Variants in DPP6 observed in about 807,000 individuals in gnomAD.
DPP6 encodes the protein dipeptidyl peptidase like 6, also known as A-type potassium channel modulatory protein DPP6.
In DPP6, 69 loss-of-function variants were observed where a neutral mutation model predicts 122.6. The observed-to-expected ratio is 0.56, with a 90% CI of 0.46 to 0.69. The LOEUF (loss-of-function observed/expected upper bound fraction) is 0.69. DPP6 is among the 30% of genes least tolerant of loss of function. The pLI, the probability that DPP6 is intolerant of heterozygous loss-of-function variation, is 0.00. For synonymous variants in DPP6, 418 were observed against 433.1 expected, an observed-to-expected ratio of 0.97 and a Z score of 0.43; for missense variants, 928 against 1,116.9, an observed-to-expected ratio of 0.83 and a Z score of 2.41.
intron 3 of DPP6, among the ~76,000 whole-genome samples, chr7:154,521,144 G>A (rs890154424): frequency 1.3e-5 from 2 of 152,102 alleles, no homozygotes; most frequent in African/African-American, 2.4e-5. Context: ...GTGTATATGC[G>A]AAGTCCTTTT....
At chr7:154,024,101 G>A (rs1398450055) in intron 1 of DPP6, among the ~76,000 whole-genome samples, 5 of 152,166 alleles carry the variant, frequency 3.3e-5, no homozygotes, top group African/African-American at 1.2e-4. Context: ...TTCCTTCTCA[G>A]CTGTAAAATA....
chr7:154,794,939 G>A (rs1587162543), intron 11 of DPP6, among the ~76,000 whole-genome samples: 2 of 151,394 alleles, frequency 1.3e-5, no homozygotes, highest in African/African-American at 4.9e-5. Context: ...GCTGAGGGGG[G>A]CCAAGGCTTG....
chr7:154,652,428 A>G (rs976323863), intron 6 of DPP6, among the ~76,000 whole-genome samples: 1 of 148,568 alleles, frequency 6.7e-6, no homozygotes, highest in African/African-American at 2.5e-5. Context: ...TTTGTGATCA[A>G]TATACACACT....
intron 1 of DPP6, among the ~76,000 whole-genome samples, chr7:154,024,239 T>C (rs376481675): frequency 1.0e-3 from 154 of 152,280 alleles, no homozygotes; most frequent in African/African-American, 3.6e-3. Flanking sequence ...ATCCACAAAT[T>C]AGCAGCCTGA....
intron 1 of DPP6, among the ~76,000 whole-genome samples, chr7:154,234,183 A>G (rs1801068316): frequency 6.6e-6 from 1 of 152,358 alleles, no homozygotes; most frequent in Middle Eastern, 3.4e-3. Flanking sequence ...TAGAGGAAAC[A>G]GCAGGAAAAA....
At chr7:154,883,922 TCACA>T (rs541022319) in intron 21 of DPP6, 9 of 127,702 alleles carry the variant, frequency 7.0e-5, no homozygotes, top group Non-Finnish European at 1.5e-4. Flanking sequence ...TCACACACGC[TCACA>T]CATACACACG....
At chr7:154,675,183 G>A (rs1227914370) in intron 7 of DPP6, among the ~76,000 whole-genome samples, 1 of 152,060 alleles carries the variant, frequency 6.6e-6, no homozygotes, top group Non-Finnish European at 1.5e-5. Context: ...ACAGGGCAGG[G>A]AACGTCCACA....
intron 1 of DPP6, among the ~76,000 whole-genome samples, chr7:153,931,221 A>G (rs190208563): frequency 6.6e-6 from 1 of 152,358 alleles, no homozygotes; most frequent in East Asian, 1.9e-4. Context: ...CACTGTGGAT[A>G]AGAGTCAGGC....
At chr7:154,621,120 C>G (rs1343290602) in intron 5 of DPP6, among the ~76,000 whole-genome samples, 1 of 152,116 alleles carries the variant, frequency 6.6e-6, no homozygotes, top group Non-Finnish European at 1.5e-5. Flanking sequence ...CAACTCTGAA[C>G]CTGAATTTTA....
chr7:154,024,688 T>C (rs1395945533), intron 1 of DPP6, among the ~76,000 whole-genome samples: 1 of 152,208 alleles, frequency 6.6e-6, no homozygotes, highest in Non-Finnish European at 1.5e-5. Context: ...ATGTAATTCT[T>C]GTTTAGGGTT....
intron 1 of DPP6, among the ~76,000 whole-genome samples, chr7:153,980,586 T>C (rs547436743): frequency 1.3e-5 from 2 of 152,314 alleles, no homozygotes; most frequent in African/African-American, 4.8e-5. Flanking sequence ...TGTCTTCTGC[T>C]AGCTTTTGAA....
rs569666687 is a variant in DPP6 at position 154,166,691 on chromosome 7, A to G, written c.243+113628A>G. On this transcript the variant is annotated intron_variant, in intron 1 of 25. Coordinates refer to ENST00000377770, the MANE Select transcript of DPP6 (RefSeq NM_130797.4). ...TTTGGGAGGCTGAGGCAGGTGGATC[A>G]CCTGAGGTCAGGAGTTCAAGACCAG... 7.4e-4 allele frequency among the ~76,000 whole-genome samples: 106 copies of G among 142,828 alleles called. 6 individuals carry two copies. The highest frequency in any genetic ancestry group is 2.2e-3 in the Admixed American group (33 of 14,946). 93.7% of individuals were successfully genotyped at this position (142,828 alleles called of 152,430 possible).
intron 1 of DPP6, among the ~76,000 whole-genome samples, chr7:154,355,605 A>G (rs1205801416): frequency 6.6e-6 from 1 of 152,178 alleles, no homozygotes; most frequent in Non-Finnish European, 1.5e-5. Flanking sequence ...TTACAGCCCC[A>G]TACAGTGAAG....
chr7:154,866,028 T>C (rs1007837307), intron 17 of DPP6, among the ~76,000 whole-genome samples: 6 of 152,160 alleles, frequency 3.9e-5, no homozygotes, highest in East Asian at 1.9e-4. Context: ...TGGTGTTAAG[T>C]GTATCCAGAG....
At chr7:154,062,779 C>A (rs1484413446) in intron 1 of DPP6, among the ~76,000 whole-genome samples, 1 of 99,724 alleles carries the variant, frequency 1.0e-5, no homozygotes, top group Non-Finnish European at 2.0e-5. Context: ...ACCCCTGGTT[C>A]CCCCACTGGC....
chr7:154,370,386 AG>A, intron 1 of DPP6, among the ~76,000 whole-genome samples: 1 of 85,350 alleles, frequency 1.2e-5, no homozygotes, highest in Non-Finnish European at 2.4e-5. Flanking sequence ...TTTGGGGGGG[AG>A]GGGGGATGGG....
chr7:154,760,508 C>T lies in DPP6; in HGVS notation c.884-8909C>T, dbSNP rs1403085665. ...GTTGTTTCTATTCTTGTCTGCCATT[C>T]TGCGAGCTCAAGAACTTCTGTTAGC... On this transcript the variant is annotated intron_variant, in intron 8 of 25. Transcript: ENST00000377770. This position sits in a 1 kb window ranked among gnomAD's most constrained non-coding sequence, Gnocchi z 4.5. 6.6e-6 allele frequency among the ~76,000 whole-genome samples: 1 copy of T among 152,206 alleles called. No individual in the cohort carries two copies. Among genetic ancestry groups the T allele is most frequent in the East Asian group, 1.9e-4 (1 of 5,194 alleles).
intron 1 of DPP6, among the ~76,000 whole-genome samples, chr7:154,404,185 TAA>T (rs1815878753): frequency 6.6e-6 from 1 of 152,206 alleles, no homozygotes; most frequent in Non-Finnish European, 1.5e-5. Context: ...AGCCGCTGTC[TAA>T]TCACACTTCA....
chr7:154,155,282 A>G (rs1488966113), intron 1 of DPP6, among the ~76,000 whole-genome samples: 1 of 152,188 alleles, frequency 6.6e-6, no homozygotes, highest in East Asian at 1.9e-4. Flanking sequence ...TATGATAGAC[A>G]TGGGGAGGGA....
Sources: allele counts gnomAD v4.1 joint callset (sites outside exome capture counted in the v4.1 genomes callset), GRCh38; gene constraint gnomAD v4.1.1; non-coding constraint Gnocchi (gnomAD v3.1); transcripts MANE v1.5; gene names NCBI Gene and HGNC (gene_info 2026-07-23, HGNC 2026-07-21).